VAV2: variants seen among roughly 807,000 people sequenced by gnomAD.
The protein encoded by VAV2 is vav guanine nucleotide exchange factor 2, also known as guanine nucleotide exchange factor VAV2.
Under a neutral mutation model 132.5 loss-of-function variants are expected in VAV2, and 67 were observed. That is an observed-to-expected ratio of 0.51 (90% CI 0.42 to 0.62). VAV2 has a LOEUF of 0.62. Among genes scored for constraint, VAV2 ranks in the 20% least tolerant of loss-of-function variants. VAV2 has a pLI of 0.00. For synonymous variants in VAV2, 492 were observed against 443.5 expected (o/e 1.11, Z -1.37); for missense variants, 938 against 1,153.6 (o/e 0.81, Z 2.71).
At chr9:133,808,927 C>T (rs1041231868) in intron 7 of VAV2, 113 bp downstream of exon 7, 21 of 969,214 alleles carry the variant, frequency 2.2e-5, no homozygotes, top group Non-Finnish European at 3.2e-5. Flanking sequence ...TCTCCTTCGC[C>T]TGTCAGAGAG....
intron 2 of VAV2, among the ~76,000 whole-genome samples, chr9:133,930,789 G>T (rs1261539169): frequency 1.3e-5 from 2 of 152,182 alleles, no homozygotes; most frequent in Non-Finnish European, 2.9e-5. Context: ...AGCAGGAGAG[G>T]CCGGCACTCA....
At chr9:133,785,916 TAG>T in intron 16 of VAV2, 31 bp from the exon 17 acceptor site, 1 of 1,589,164 alleles carries the variant, frequency 6.3e-7, no homozygotes, top group Non-Finnish European at 8.6e-7. Context: ...ATGCTTGCAA[TAG>T]ACACGGCTTC....
intron 4 of VAV2, among the ~76,000 whole-genome samples, chr9:133,819,432 G>A (rs962546871): frequency 6.7e-6 from 1 of 149,178 alleles, no homozygotes; most frequent in African/African-American, 2.5e-5. Flanking sequence ...CTGGGCGACA[G>A]AGCGAGGCTC....
intron 3 of VAV2, among the ~76,000 whole-genome samples, chr9:133,842,522 G>A (rs927672228): frequency 6.6e-6 from 1 of 152,224 alleles, no homozygotes; most frequent in African/African-American, 2.4e-5. Context: ...CTTGGGATGC[G>A]GGACTTTTGA....
Position 133,769,968 on chromosome 9 carries a change from C to T in VAV2, c.2347+410G>A, listed in dbSNP as rs143936869. Among the ~76,000 whole-genome samples, 3 of 152,216 alleles carry T rather than the reference C, an allele frequency of 2.0e-5. No individual in the cohort carries two copies. The highest frequency in any genetic ancestry group is 4.4e-5 in the Non-Finnish European group (3 of 68,036). ...TCCGTGTGGCCTTCCCTGTTCTGAG[C>T]TGTGGAGTCCAACCTGCAAACAGGC... On this transcript the variant is annotated intron_variant, in intron 27 of 29. Transcript: ENST00000371850. The surrounding 1 kb of genome is among the most constrained non-coding windows in gnomAD (Gnocchi z 8.1).
rs1835310745 is a variant in VAV2 at position 133,810,265 on chromosome 9, G to A, written c.553-60C>T. ...GGTTAGCAGGGCCCACACTGTCCTG[G>A]CAAGCTGGGCCTGGGACATCAGGAA... On this transcript the variant is annotated intron_variant, in intron 5 of 29. Coordinates refer to ENST00000371850, the MANE Select transcript of VAV2 (RefSeq NM_001134398.2). The A allele has an allele frequency of 1.9e-6, 3 of 1,609,332 alleles. 1 individual carries two copies. In the Admixed American group the frequency reaches 5.0e-5, roughly 27 times the overall value.
rs1259785466 is a variant in VAV2, at chr9:133,969,196, C to T, written c.204+22879G>A. Among the ~76,000 whole-genome samples the T allele has an allele frequency of 6.6e-6, 1 of 151,894 alleles. No homozygotes were observed. The highest frequency in any genetic ancestry group is 1.5e-5 in the Non-Finnish European group (1 of 67,956). The stretch of plus-strand genomic sequence containing the variant: ...GGACGAGAGCTGGATTCCACCGTGC[C>T]CGCCGGGCCTGCGAGGACGAGCCTC... On this transcript the variant is annotated intron_variant, in intron 1 of 29. Coordinates refer to ENST00000371850, the MANE Select transcript of VAV2 (RefSeq NM_001134398.2). This position sits in a 1 kb window ranked among gnomAD's most constrained non-coding sequence, Gnocchi z 5.1.
intron 1 of VAV2, among the ~76,000 whole-genome samples, chr9:133,985,896 A>G (rs1460059077): frequency 2.6e-5 from 4 of 152,174 alleles, no homozygotes; most frequent in Non-Finnish European, 4.4e-5. Flanking sequence ...ATAAAATAGG[A>G]AACCATAATC....
At chr9:133,986,790 C>A (rs1351353847) in intron 1 of VAV2, among the ~76,000 whole-genome samples, 1 of 152,082 alleles carries the variant, frequency 6.6e-6, no homozygotes, top group Non-Finnish European at 1.5e-5. Context: ...TTGTGGACCT[C>A]GGCTACACCA....
chr9:133,813,543 G>A (rs73663854), intron 4 of VAV2, among the ~76,000 whole-genome samples: 5,678 of 152,346 alleles, frequency 0.037, 362 homozygotes, highest in African/African-American at 0.13. Flanking sequence ...AGGACACGCT[G>A]CAATGCACAA....
chr9:133,778,544 G>A (rs1833896059), intron 22 of VAV2, among the ~76,000 whole-genome samples: 1 of 152,206 alleles, frequency 6.6e-6, no homozygotes. Context: ...AAACACCCGG[G>A]GAGCCCAAGC....
intron 1 of VAV2, among the ~76,000 whole-genome samples, chr9:133,962,784 T>C (rs566931399): frequency 6.6e-6 from 1 of 152,316 alleles, no homozygotes; most frequent in South Asian, 2.1e-4. Context: ...CATTGTTTGA[T>C]TTTGCAGGTT....
chr9:133,789,406 G>GACAGTCTGCCCTGCCCGTGC, intron 13 of VAV2, 63 bp from the exon 14 acceptor site: 1 of 1,531,900 alleles, frequency 6.5e-7, no homozygotes, highest in Non-Finnish European at 9.0e-7. Flanking sequence ...CTGACCGCAC[G>GACAGTCTGCCCTGCCCGTGC]GGCAGGGCAG....
chr9:133,825,134 A>T (rs1226431865), intron 4 of VAV2, among the ~76,000 whole-genome samples: 1 of 133,616 alleles, frequency 7.5e-6, no homozygotes, highest in Non-Finnish European at 1.5e-5. Flanking sequence ...GCCAGTGGGG[A>T]GGCAGCTCCA....
chr9:133,832,344 T>TA (rs1228326464), intron 4 of VAV2, among the ~76,000 whole-genome samples: 1 of 151,710 alleles, frequency 6.6e-6, no homozygotes, highest in Non-Finnish European at 1.5e-5. Flanking sequence ...TACAGGGGGG[T>TA]ATGTTCCAAC....
In VAV2 at chr9:133,789,629, T is replaced by C. The variant is rs1834372396; in HGVS notation, c.1189-286A>G. Among the ~76,000 whole-genome samples, 5 of 152,200 alleles carry C rather than the reference T, an allele frequency of 3.3e-5. No homozygotes were observed. The South Asian group carries it at 8.3e-4, about 25-fold the overall frequency. The stretch of plus-strand genomic sequence containing the variant: ...GACAAAGGGCGATTGACGGTGCCGG[T>C]TGTGTTCACAGAGGCCGCCGCTGTG... On this transcript the variant is annotated intron_variant, in intron 13 of 29. Transcript: ENST00000371850.
intron 1 of VAV2, among the ~76,000 whole-genome samples, chr9:133,945,571 G>C (rs1349075471): frequency 6.6e-6 from 1 of 152,208 alleles, no homozygotes; most frequent in Non-Finnish European, 1.5e-5. Flanking sequence ...CCTCTGGCAG[G>C]CCCATGCCCG....
chr9:133,865,228 G>A (rs1037103637), intron 2 of VAV2, among the ~76,000 whole-genome samples: 2 of 152,218 alleles, frequency 1.3e-5, no homozygotes, highest in Admixed American at 6.5e-5. Context: ...GGGCCAGGAA[G>A]AAAAAGGAAA....
chr9:133,976,580 C>T (rs1842519229), intron 1 of VAV2, among the ~76,000 whole-genome samples: 1 of 152,338 alleles, frequency 6.6e-6, no homozygotes, highest in East Asian at 1.9e-4. Context: ...ACAAACCTTC[C>T]GCACTATGGA....
Sources: allele counts gnomAD v4.1 joint callset (sites outside exome capture counted in the v4.1 genomes callset), GRCh38; gene constraint gnomAD v4.1.1; non-coding constraint Gnocchi (gnomAD v3.1); transcripts MANE v1.5; gene names NCBI Gene and HGNC (gene_info 2026-07-23, HGNC 2026-07-21).